SMAD3: variants seen among roughly 807,000 people sequenced by gnomAD.
The protein encoded by SMAD3 is MAD homolog 3.
Under a neutral mutation model 51.8 loss-of-function variants are expected in SMAD3, and 12 were observed. The ratio of observed to expected loss-of-function variants is 0.23; its 90% CI spans 0.15 to 0.38. The LOEUF (loss-of-function observed/expected upper bound fraction) is 0.38, where lower values mean the gene tolerates loss of function less well. Among genes scored for constraint, SMAD3 ranks in the 10% least tolerant of loss-of-function variants. The pLI, the probability that SMAD3 is intolerant of heterozygous loss-of-function variation, is 1.00. For synonymous variants in SMAD3, 238 were observed against 227.7 expected (o/e 1.05, Z -0.41); for missense variants, 294 against 565.6 (o/e 0.52, Z 4.87).
chr15:67,113,184 C>T lies in SMAD3; in HGVS notation c.206+46824C>T, dbSNP rs993640297. Among the ~76,000 whole-genome samples the T allele has an allele frequency of 5.6e-5, 7 of 125,388 alleles. 1 individual carries two copies. Among genetic ancestry groups the T allele is most frequent in the Admixed American group, 4.5e-4 (5 of 11,028 alleles). 82.3% of individuals were successfully genotyped at this position (125,388 alleles called of 152,430 possible). A position where few individuals can be genotyped will look rare whatever the true frequency, so the allele number is the denominator to read the frequency against. ...CTGCAAACTCTGCCTCCCGGGTTCA[C>T]GTCATTCTCCTGCCTCAGCAGCCTC... On this transcript the variant is annotated intron_variant, in intron 1 of 8. Coordinates refer to ENST00000327367, the MANE Select transcript of SMAD3 (RefSeq NM_005902.4).
At chr15:67,154,774 A>G (rs1384605182) in intron 1 of SMAD3, among the ~76,000 whole-genome samples, 2 of 152,238 alleles carry the variant, frequency 1.3e-5, no homozygotes, top group African/African-American at 4.8e-5. Context: ...ATCAAATTAT[A>G]TGTCTTTCAA....
intron 1 of SMAD3, among the ~76,000 whole-genome samples, chr15:67,083,021 G>T (rs1416845588): frequency 6.6e-6 from 1 of 152,224 alleles, no homozygotes; most frequent in African/African-American, 2.4e-5. Context: ...TCTTCCTGCC[G>T]TCTTGTCCTG....
intron 1 of SMAD3, among the ~76,000 whole-genome samples, chr15:67,093,307 T>G (rs935892744): frequency 2.6e-5 from 4 of 152,206 alleles, no homozygotes; most frequent in African/African-American, 9.7e-5. Context: ...CTTGAACACC[T>G]TAGCGGGCCT....
chr15:67,179,867 A>T (rs1963006031), intron 5 of SMAD3, among the ~76,000 whole-genome samples: 1 of 152,048 alleles, frequency 6.6e-6, no homozygotes, highest in South Asian at 2.1e-4. Flanking sequence ...CCTCAGCCCC[A>T]TGCTGAGGGT....
intron 1 of SMAD3, among the ~76,000 whole-genome samples, chr15:67,145,602 T>C (rs60519906): frequency 0.029 from 4,462 of 152,184 alleles, 214 homozygotes; most frequent in African/African-American, 0.1. Context: ...GATTTTCTGG[T>C]TCGTGAATGA....
intron 1 of SMAD3, among the ~76,000 whole-genome samples, chr15:67,163,384 A>ATTAAATATGTG (rs983393389): frequency 5.9e-5 from 9 of 152,108 alleles, no homozygotes; most frequent in Admixed American, 2.6e-4. Flanking sequence ...ATAGGTGCTC[A>ATTAAATATGTG]TTAAATATGT....
intron 1 of SMAD3, among the ~76,000 whole-genome samples, chr15:67,077,599 A>C (rs1426825577): frequency 6.6e-6 from 1 of 152,190 alleles, no homozygotes; most frequent in Non-Finnish European, 1.5e-5. Flanking sequence ...TGTGGAAGAG[A>C]CACTATAGTG....
At chr15:67,150,196 G>GGTTGACCC (rs1962091051) in intron 1 of SMAD3, among the ~76,000 whole-genome samples, 1 of 152,122 alleles carries the variant, frequency 6.6e-6, no homozygotes, top group Admixed American at 6.5e-5. Context: ...TGAGTCGCCC[G>GGTTGACCC]GTTGACCCGT....
At chr15:67,169,274 C>G (rs1357531322) in intron 4 of SMAD3, among the ~76,000 whole-genome samples, 5 of 151,996 alleles carry the variant, frequency 3.3e-5, no homozygotes, top group Admixed American at 1.3e-4. Flanking sequence ...TTCCACATCC[C>G]CCTTTGCATT....
At chr15:67,173,539 G>A (rs1477799674) in intron 5 of SMAD3, among the ~76,000 whole-genome samples, 1 of 152,184 alleles carries the variant, frequency 6.6e-6, no homozygotes, top group Non-Finnish European at 1.5e-5. Context: ...AGAGGGACAA[G>A]GTGGGAAAAG....
chr15:67,078,743 G>T (rs1482701153), intron 1 of SMAD3, among the ~76,000 whole-genome samples: 2 of 152,304 alleles, frequency 1.3e-5, no homozygotes, highest in East Asian at 3.9e-4. Flanking sequence ...ACCAGGGGCA[G>T]CCTATTGCTG....
At chr15:67,074,775 C>A (rs1298185618) in intron 1 of SMAD3, among the ~76,000 whole-genome samples, 1 of 152,136 alleles carries the variant, frequency 6.6e-6, no homozygotes, top group Non-Finnish European at 1.5e-5. Context: ...CTGCAACCTC[C>A]GCCTCCCAGG....
At chr15:67,139,194 A>G (rs1216249079) in intron 1 of SMAD3, among the ~76,000 whole-genome samples, 1 of 152,176 alleles carries the variant, frequency 6.6e-6, no homozygotes, top group Non-Finnish European at 1.5e-5. Context: ...AGAGGGATTT[A>G]AGTTTACGTG....
At position 67,191,603 on chromosome 15, in the gene SMAD3, T is replaced by A. The variant is rs1963366580; in HGVS notation, c.*1067T>A. The A allele has an allele frequency of 8.6e-6, 2 of 233,224 alleles. No individual in the cohort carries two copies. Among genetic ancestry groups the A allele is most frequent in the African/African-American group, 2.2e-5 (1 of 45,452 alleles). 14.4% of individuals were successfully genotyped at this position (233,224 alleles called of 1,614,324 possible). On this transcript the variant is annotated 3_prime_UTR_variant, in exon 9 of 9. Transcript: ENST00000327367. ...AACCTGAGTGAGACCCAGCAACTGC[T>A]TCTCTCCCTTCTCTCTCCTGAGGTG...
At chr15:67,176,821 C>T (rs950187433) in intron 5 of SMAD3, among the ~76,000 whole-genome samples, 1 of 152,122 alleles carries the variant, frequency 6.6e-6, no homozygotes, top group Non-Finnish European at 1.5e-5. Flanking sequence ...GAGGTTCCTG[C>T]GTCTCCAACA....
rs147809110 is a variant in SMAD3, at chr15:67,111,247, T to C, written c.206+44887T>C. 4.1e-3 allele frequency among the ~76,000 whole-genome samples: 630 copies of C among 152,366 alleles called. 2 individuals carry two copies. Among genetic ancestry groups the C allele is most frequent in the Middle Eastern group, 6.8e-3 (2 of 294 alleles). ...TTCATGTAGATGAAATCATACAATT[T>C]GTGGACTTTTGTGTTTGACTTCTTT... is the stretch of plus-strand genomic sequence containing the variant. On this transcript the variant is annotated intron_variant, in intron 1 of 8. Transcript: ENST00000327367.
At chr15:67,142,765 AT>A (rs1291428547) in intron 1 of SMAD3, 2 of 415,894 alleles carry the variant, frequency 4.8e-6, no homozygotes, top group Non-Finnish European at 9.8e-6. Flanking sequence ...TGATCTCAAC[AT>A]TTCAAGGAGA....
chr15:67,080,383 AGGAGGT>A (rs1960255097), intron 1 of SMAD3, among the ~76,000 whole-genome samples: 1 of 152,196 alleles, frequency 6.6e-6, no homozygotes, highest in South Asian at 2.1e-4. Context: ...CTGAAGGGAA[AGGAGGT>A]GGAGGTCAAG....
At chr15:67,085,868 G>GCACACACACACACACACACA (rs78357581) in intron 1 of SMAD3, among the ~76,000 whole-genome samples, 8 of 100,064 alleles carry the variant, frequency 8.0e-5, no homozygotes, top group African/African-American at 2.7e-4. Flanking sequence ...AAAAAAGCGT[G>GCACACACACACACACACACA]CACACACACA....
Sources: allele counts gnomAD v4.1 joint callset (sites outside exome capture counted in the v4.1 genomes callset), GRCh38; gene constraint gnomAD v4.1.1; transcripts MANE v1.5; gene names NCBI Gene and HGNC (gene_info 2026-07-23, HGNC 2026-07-21).